SNX29: variants seen among roughly 807,000 people sequenced by gnomAD.
The protein encoded by SNX29 is sorting nexin 29.
Under a neutral mutation model 102.1 loss-of-function variants are expected in SNX29, and 78 were observed. The ratio of observed to expected loss-of-function variants is 0.76; its 90% CI spans 0.64 to 0.92. The LOEUF (loss-of-function observed/expected upper bound fraction) is 0.92, where lower values mean the gene tolerates loss of function less well. Among genes scored for constraint, SNX29 ranks in the 40% least tolerant of loss-of-function variants. The pLI, the probability that SNX29 is intolerant of heterozygous loss-of-function variation, is 0.00. For missense variants in SNX29, 1,280 were observed against 1,061.7 expected (o/e 1.21, Z -2.86); for synonymous variants, 580 against 414.5 (o/e 1.40, Z -4.85).
chr16:12,405,360 C>T (rs2151520164), intron 18 of SNX29, among the ~76,000 whole-genome samples: 1 of 152,208 alleles, frequency 6.6e-6, no homozygotes, highest in African/African-American at 2.4e-5. Context: ...AGATTGTTTC[C>T]ACAGTGGCCA....
chr16:12,199,741 A>G, intron 14 of SNX29, 58 bp downstream of exon 14: 11 of 1,412,464 alleles, frequency 7.8e-6, no homozygotes, highest in Non-Finnish European at 1.1e-5. Context: ...TAACACCTGT[A>G]CGTGGCACGC....
intron 18 of SNX29, among the ~76,000 whole-genome samples, chr16:12,435,536 C>T (rs1421419747): frequency 6.6e-6 from 1 of 152,182 alleles, no homozygotes; most frequent in East Asian, 1.9e-4. Context: ...TTTTATGAAT[C>T]CTTCTAGACA....
intron 11 of SNX29, among the ~76,000 whole-genome samples, chr16:12,119,316 A>T (rs1330307912): frequency 1.3e-5 from 2 of 152,176 alleles, no homozygotes; most frequent in African/African-American, 4.8e-5. Context: ...TCGTAGTACA[A>T]ATCTTTATAA....
At chr16:12,187,975 G>T (rs2076552300) in intron 13 of SNX29, among the ~76,000 whole-genome samples, 1 of 152,132 alleles carries the variant, frequency 6.6e-6, no homozygotes, top group South Asian at 2.1e-4. Context: ...GTTAGCTAGG[G>T]GATGAGCTGG....
At chr16:12,506,518 A>G (rs2089386512) in intron 19 of SNX29, among the ~76,000 whole-genome samples, 1 of 152,218 alleles carries the variant, frequency 6.6e-6, no homozygotes, top group Admixed American at 6.5e-5. Flanking sequence ...GTGAGCACCA[A>G]AGCTTCATTA....
intron 13 of SNX29, among the ~76,000 whole-genome samples, chr16:12,181,033 G>A (rs1346399155): frequency 6.6e-6 from 1 of 152,154 alleles, no homozygotes; most frequent in African/African-American, 2.4e-5. Flanking sequence ...CCCAGTCCTG[G>A]AAGGGAGTCC....
chr16:12,413,329 A>G (rs1465338797), intron 18 of SNX29, among the ~76,000 whole-genome samples: 32 of 152,154 alleles, frequency 2.1e-4, no homozygotes, highest in Admixed American at 2.0e-3. Flanking sequence ...GTTAGCAGTA[A>G]TAACTGTCCT....
intron 16 of SNX29, among the ~76,000 whole-genome samples, chr16:12,366,416 C>T (rs2082483400): frequency 6.6e-6 from 1 of 152,200 alleles, no homozygotes; most frequent in South Asian, 2.1e-4. Flanking sequence ...CATTAAATGT[C>T]ATGTTTTTTT....
chr16:12,564,713 C>G (rs1404189576), intron 20 of SNX29, among the ~76,000 whole-genome samples: 1 of 152,048 alleles, frequency 6.6e-6, no homozygotes, highest in Non-Finnish European at 1.5e-5. Context: ...TGCAAGCCCA[C>G]TTTGTTATAA....
intron 19 of SNX29, among the ~76,000 whole-genome samples, chr16:12,496,793 C>G (rs760267007): frequency 6.6e-6 from 1 of 152,126 alleles, no homozygotes; most frequent in Middle Eastern, 3.2e-3. Context: ...ATTTGGTTCC[C>G]TGCAGGGTTC....
At chr16:12,340,543 G>A (rs185434801) in intron 15 of SNX29, among the ~76,000 whole-genome samples, 72 of 152,310 alleles carry the variant, frequency 4.7e-4, no homozygotes, top group African/African-American at 1.7e-3. Flanking sequence ...ACAGATTTGT[G>A]TTTGGAGTTC....
intron 18 of SNX29, among the ~76,000 whole-genome samples, chr16:12,422,322 A>G (rs552078961): frequency 1.3e-5 from 2 of 152,318 alleles, no homozygotes; most frequent in Admixed American, 1.3e-4. Flanking sequence ...CAGAGCTGTA[A>G]TATGAAAGGC....
intron 20 of SNX29, among the ~76,000 whole-genome samples, chr16:12,551,107 G>C (rs886275605): frequency 4.6e-5 from 7 of 152,042 alleles, no homozygotes; most frequent in African/African-American, 1.7e-4. Flanking sequence ...GATGAAATCT[G>C]GTGTGAAATA....
At chr16:12,234,195 C>T (rs149436484) in intron 14 of SNX29, among the ~76,000 whole-genome samples, 28 of 152,322 alleles carry the variant, frequency 1.8e-4, no homozygotes, top group African/African-American at 6.5e-4. Context: ...CATGTCCTCA[C>T]CAAACACTTG....
intron 13 of SNX29, among the ~76,000 whole-genome samples, chr16:12,195,624 A>G (rs1236692076): frequency 6.6e-6 from 1 of 152,262 alleles, no homozygotes; most frequent in East Asian, 1.9e-4. Context: ...GAGATTCTGC[A>G]GACCTGTGCT....
intron 14 of SNX29, among the ~76,000 whole-genome samples, chr16:12,271,745 C>T (rs1252074298): frequency 2.0e-5 from 3 of 151,958 alleles, no homozygotes; most frequent in Non-Finnish European, 4.4e-5. Context: ...GCCTAAGCCT[C>T]CTGAGTAGCT....
At chr16:12,308,329 T>C (rs977479500) in intron 15 of SNX29, among the ~76,000 whole-genome samples, 6 of 152,228 alleles carry the variant, frequency 3.9e-5, no homozygotes. Context: ...TGTCCAGTAA[T>C]GTGAACGTTT....
chr16:12,549,112 T>C (rs1567173969), intron 20 of SNX29, among the ~76,000 whole-genome samples: 3 of 152,210 alleles, frequency 2.0e-5, no homozygotes, highest in African/African-American at 7.2e-5. Flanking sequence ...CTTGGGGACA[T>C]AGCAGATGGA....
chr16:12,250,823 A>C (rs1234951577), intron 14 of SNX29, among the ~76,000 whole-genome samples: 1 of 139,420 alleles, frequency 7.2e-6, no homozygotes, highest in East Asian at 2.0e-4. Context: ...CGGGTTTTCT[A>C]GAAGAGCGAC....
Sources: allele counts gnomAD v4.1 joint callset (sites outside exome capture counted in the v4.1 genomes callset), GRCh38; gene constraint gnomAD v4.1.1; transcripts MANE v1.5; gene names NCBI Gene and HGNC (gene_info 2026-07-23, HGNC 2026-07-21).